Variants in COL4A3 observed in about 807,000 individuals in gnomAD.
The protein encoded by COL4A3 is collagen alpha-3(IV) chain.
In COL4A3, 135 loss-of-function variants were observed where a neutral mutation model predicts 217.4. That is an observed-to-expected ratio of 0.62 (90% CI 0.54 to 0.72). The LOEUF is 0.72. COL4A3 is among the 30% of genes least tolerant of loss of function. The pLI is 0.00. For synonymous variants in COL4A3, 690 were observed against 736.3 expected (o/e 0.94, Z 1.02); for missense variants, 1,868 against 2,119.9 (o/e 0.88, Z 2.33).
chr2:227,240,164 C>A lies in COL4A3; in HGVS notation c.166C>A (p.Pro56Thr), dbSNP rs1204689662. ...ACAGGGGGAGAAGGGCTTTCCTGGA[C>A]CCCCCGGTTCTCCTGGCCAGAAAGG... Reference protein sequence around the residue: ...GEKGEKGFPGPPGSPGQKGFT... With the variant: ...GEKGEKGFPGTPGSPGQKGFT... The change falls in exon 3 of 52, where the codon CCC becomes ACC. Residue 56 changes from proline to threonine, a missense_variant. Pro to Thr is a conservative substitution (Grantham distance 38). This residue lies in a region of COL4A3 where 365 missense variants were observed against 333.8 expected (regional missense o/e 1.09). Transcript: ENST00000396578. 1 of 1,609,616 alleles carries A rather than the reference C, an allele frequency of 6.2e-7. No homozygotes were observed. The highest frequency in any genetic ancestry group is 8.5e-7 in the Non-Finnish European group (1 of 1,177,960).
chr2:227,217,973 G>A (rs1163565727), intron 1 of COL4A3, among the ~76,000 whole-genome samples: 2 of 145,532 alleles, frequency 1.4e-5, no homozygotes, highest in Non-Finnish European at 3.1e-5. Context: ...TGCTTTAAGA[G>A]TCAGATTCAT....
intron 1 of COL4A3, among the ~76,000 whole-genome samples, chr2:227,234,053 T>A (rs535054004): frequency 2.2e-4 from 34 of 152,290 alleles, no homozygotes; most frequent in African/African-American, 7.7e-4. Flanking sequence ...ATTGATTTCT[T>A]AGTTTTGGGG....
At chr2:227,243,429 A>G (rs2069139494) in intron 3 of COL4A3, among the ~76,000 whole-genome samples, 1 of 152,242 alleles carries the variant, frequency 6.6e-6, no homozygotes, top group Admixed American at 6.5e-5. Context: ...ATGAGAAAGT[A>G]AAACCTGCAA....
chr2:227,262,164 G>A (rs2070619584), intron 20 of COL4A3, among the ~76,000 whole-genome samples: 1 of 152,068 alleles, frequency 6.6e-6, no homozygotes, highest in Non-Finnish European at 1.5e-5. Flanking sequence ...AATATTATAT[G>A]TACCTGAATA....
At chr2:227,248,617 GT>G in intron 9 of COL4A3, 97 bp downstream of exon 9, 1 of 805,570 alleles carries the variant, frequency 1.2e-6, no homozygotes, top group Non-Finnish European at 2.2e-6. Context: ...TCCCCCATAA[GT>G]CCCTCTCACT....
chr2:227,238,369 G>C (rs550061215), intron 2 of COL4A3, among the ~76,000 whole-genome samples: 50 of 151,400 alleles, frequency 3.3e-4, no homozygotes, highest in African/African-American at 1.2e-3. Flanking sequence ...AACTGAAAAC[G>C]ATTTGATTCA....
intron 48 of COL4A3, among the ~76,000 whole-genome samples, chr2:227,308,591 A>C (rs2073610237): frequency 6.6e-6 from 1 of 152,226 alleles, no homozygotes; most frequent in African/African-American, 2.4e-5. Context: ...TGTACATATG[A>C]ATAAGTGGGA....
In COL4A3 at chr2:227,245,934, G is replaced by A. The variant is rs760968700; in HGVS notation, c.325-20G>A. On this transcript the variant is annotated intron_variant, in intron 5 of 51. Coordinates refer to ENST00000396578, the MANE Select transcript of COL4A3 (RefSeq NM_000091.5). ...GTTTCTTGGGATGACCCTCCTCATT[G>A]AGACTTGTTCTTCTTCCAGGGCACC... is the stretch of plus-strand genomic sequence containing the variant. 18 of 1,609,664 alleles carry A rather than the reference G, an allele frequency of 1.1e-5. No homozygotes were observed. In the African/African-American group the frequency reaches 2.3e-4, roughly 20 times the overall value.
chr2:227,190,285 G>A (rs1376059804), intron 1 of COL4A3, among the ~76,000 whole-genome samples: 2 of 152,168 alleles, frequency 1.3e-5, no homozygotes, highest in Non-Finnish European at 1.5e-5. Flanking sequence ...CCATCTTGGC[G>A]TGCCTGCTCC....
intron 39 of COL4A3, 88 bp from the exon 40 acceptor site, chr2:227,294,875 TG>T: frequency 1.0e-6 from 1 of 987,318 alleles, no homozygotes; most frequent in Non-Finnish European, 1.6e-6. Context: ...CACATCTCCC[TG>T]GTATTCCCAT....
intron 50 of COL4A3, among the ~76,000 whole-genome samples, chr2:227,310,008 T>G (rs1212973357): frequency 6.6e-6 from 1 of 152,226 alleles, no homozygotes; most frequent in African/African-American, 2.4e-5. Context: ...GTAATTTCTA[T>G]CATTTACAGT....
At chr2:227,281,511 G>A (rs1289613019) in intron 31 of COL4A3, among the ~76,000 whole-genome samples, 1 of 152,182 alleles carries the variant, frequency 6.6e-6, no homozygotes, top group Non-Finnish European at 1.5e-5. Context: ...AGATGTTCCA[G>A]ATGATGGAAA....
In COL4A3 at chr2:227,273,136, C is replaced by T; in HGVS notation, c.1927+19C>T. The stretch of plus-strand genomic sequence containing the variant: ...GAAGCCGGTTGGTTAGTTTTCTTTC[C>T]AGTCCTGTTTTCCGATGGAGTGGGT... On this transcript the variant is annotated intron_variant, in intron 26 of 51. Coordinates refer to ENST00000396578, the MANE Select transcript of COL4A3 (RefSeq NM_000091.5). 6.2e-7 allele frequency: 1 copy of T among 1,612,484 alleles called. No homozygotes were observed. The highest frequency in any genetic ancestry group is 8.5e-7 in the Non-Finnish European group (1 of 1,179,898).
intron 15 of COL4A3, 34 bp from the exon 16 acceptor site, chr2:227,255,992 T>C (rs2070142635): frequency 6.2e-7 from 1 of 1,607,656 alleles, no homozygotes; most frequent in East Asian, 2.2e-5. Context: ...CCATATTTAT[T>C]ACATTTCATG....
At chr2:227,261,195 TA>T in intron 20 of COL4A3, 78 bp downstream of exon 20, 1 of 1,232,136 alleles carries the variant, frequency 8.1e-7, no homozygotes, top group East Asian at 2.3e-5. Context: ...AAGTTTACAT[TA>T]TTTACATAAG....
At chr2:227,220,373 G>A (rs1257570648) in intron 1 of COL4A3, among the ~76,000 whole-genome samples, 1 of 151,832 alleles carries the variant, frequency 6.6e-6, no homozygotes, top group African/African-American at 2.4e-5. Flanking sequence ...ATTAGAGACC[G>A]GGTTTCTCCA....
intron 1 of COL4A3, among the ~76,000 whole-genome samples, chr2:227,171,989 C>T (rs1028968920): frequency 4.6e-5 from 7 of 152,092 alleles, no homozygotes; most frequent in African/African-American, 1.7e-4. Flanking sequence ...GGCCTGCCGG[C>T]GCTTGAGAGG....
chr2:227,200,609 A>C (rs1332707841), intron 1 of COL4A3, among the ~76,000 whole-genome samples: 1 of 152,224 alleles, frequency 6.6e-6, no homozygotes, highest in Non-Finnish European at 1.5e-5. Flanking sequence ...GCTCAGACTC[A>C]CAAAGCCATT....
At chr2:227,214,977 C>A (rs1358188206) in intron 1 of COL4A3, among the ~76,000 whole-genome samples, 1 of 152,176 alleles carries the variant, frequency 6.6e-6, no homozygotes, top group East Asian at 1.9e-4. Context: ...TTCAGACTGA[C>A]TCATTCTTGA....
Sources: allele counts gnomAD v4.1 joint callset (sites outside exome capture counted in the v4.1 genomes callset), GRCh38; gene constraint gnomAD v4.1.1; regional missense constraint gnomAD v4.1.1; transcripts MANE v1.5; gene names NCBI Gene and HGNC (gene_info 2026-07-23, HGNC 2026-07-21).